Variants in DEPTOR observed in about 807,000 individuals in gnomAD.
DEPTOR encodes the protein DEP domain containing MTOR interacting protein.
Under a neutral mutation model 41.6 loss-of-function variants are expected in DEPTOR, and 41 were observed. That is an observed-to-expected ratio of 0.98 (90% CI 0.77 to 1.28). DEPTOR has a LOEUF of 1.28. Among genes scored for constraint, DEPTOR ranks in the 50% most tolerant of loss-of-function variants. DEPTOR has a pLI of 0.00. For synonymous variants in DEPTOR, 195 were observed against 192.3 expected, an observed-to-expected ratio of 1.01 and a Z score of -0.12; for missense variants, 514 against 527.9, an observed-to-expected ratio of 0.97 and a Z score of 0.26.
intron 1 of DEPTOR, among the ~76,000 whole-genome samples, chr8:119,900,338 G>T (rs76994873): frequency 1.4e-5 from 1 of 69,940 alleles, no homozygotes; most frequent in South Asian, 7.3e-4. Flanking sequence ...AAAAAAAAAA[G>T]AAAAAAAAAA....
chr8:119,953,590 CAA>C (rs59533834), intron 3 of DEPTOR, among the ~76,000 whole-genome samples: 27 of 69,358 alleles, frequency 3.9e-4, no homozygotes, highest in Non-Finnish European at 2.4e-4. Flanking sequence ...GACTCTGTCT[CAA>C]AAAAAAAAAA....
At chr8:120,039,448 T>C (rs771481963) in intron 8 of DEPTOR, among the ~76,000 whole-genome samples, 8 of 152,202 alleles carry the variant, frequency 5.3e-5, no homozygotes, top group Non-Finnish European at 1.2e-4. Context: ...TATAAGAAGA[T>C]AGTGCTTTAT....
intron 4 of DEPTOR, among the ~76,000 whole-genome samples, chr8:120,001,290 T>C (rs754922895): frequency 3.3e-5 from 5 of 152,046 alleles, no homozygotes; most frequent in Non-Finnish European, 5.9e-5. Flanking sequence ...GAACTCAGAT[T>C]GAAAGCAAGG....
intron 3 of DEPTOR, among the ~76,000 whole-genome samples, chr8:119,947,530 C>T (rs971595355): frequency 2.3e-4 from 35 of 152,152 alleles, no homozygotes; most frequent in African/African-American, 6.3e-4. Context: ...TGATGAACCC[C>T]TTCTGGTTTC....
chr8:119,996,705 G>T (rs1392520858), intron 4 of DEPTOR, among the ~76,000 whole-genome samples: 1 of 152,078 alleles, frequency 6.6e-6, no homozygotes, highest in Non-Finnish European at 1.5e-5. Flanking sequence ...GTCTGCTATA[G>T]ATTTTTTTTG....
rs1466480925 is a variant in DEPTOR, at chr8:119,873,898, G to A, written c.52G>A (p.Gly18Arg). 1.7e-5 allele frequency: 27 copies of A among 1,613,320 alleles called. No individual in the cohort carries two copies. Among genetic ancestry groups the A allele is most frequent in the Non-Finnish European group, 2.2e-5 (26 of 1,179,746 alleles). ...GSAGSDSSTS[G>R]SGGAQQRELE... ...TGCTGGCAGTGACAGCAGCACCAGC[G>A]GGAGTGGCGGGGCGCAGCAAAGGGA... Residue 18 changes from glycine (G) to arginine (R), a missense_variant, in exon 1 of 9, where the codon GGG (glycine) becomes AGG (arginine). By Grantham distance (125) the Gly-to-Arg change is moderately radical. Transcript: ENST00000286234.
chr8:120,040,190 T>C (rs1219914033), intron 8 of DEPTOR, among the ~76,000 whole-genome samples: 1 of 152,174 alleles, frequency 6.6e-6, no homozygotes, highest in Non-Finnish European at 1.5e-5. Context: ...GCCTTCTTCT[T>C]GCATGAGGCA....
chr8:119,927,770 G>T (rs984183214), intron 1 of DEPTOR, among the ~76,000 whole-genome samples: 6 of 151,536 alleles, frequency 4.0e-5, no homozygotes, highest in African/African-American at 1.5e-4. Flanking sequence ...TACCACACCT[G>T]GCTAATTTTT....
chr8:119,978,368 G>C (rs1158801455), intron 4 of DEPTOR, among the ~76,000 whole-genome samples: 4 of 152,106 alleles, frequency 2.6e-5, no homozygotes, highest in Admixed American at 2.6e-4. Flanking sequence ...GAGCATATCA[G>C]GTTTCTCAGT....
At chr8:120,011,889 T>C (rs1278194331) in intron 8 of DEPTOR, among the ~76,000 whole-genome samples, 2 of 152,228 alleles carry the variant, frequency 1.3e-5, no homozygotes, top group Non-Finnish European at 2.9e-5. Flanking sequence ...TATAGAGCTT[T>C]ACAGAGTTCA....
In DEPTOR at chr8:119,963,468, C is replaced by T. The variant is rs554550373; in HGVS notation, c.426-1764C>T. 2.2e-3 allele frequency among the ~76,000 whole-genome samples: 339 copies of T among 152,190 alleles called. 2 individuals are homozygous for T. Among genetic ancestry groups the T allele is most frequent in the African/African-American group, 6.7e-3 (279 of 41,536 alleles). ...GGGTCAAGCAACTCTCCTGCCTCAG[C>T]CTCCTGAGTAGCTGGTACTACAGGC... On this transcript the variant is annotated intron_variant, in intron 3 of 8. Transcript: ENST00000286234.
At chr8:120,035,204 C>G (rs551052471) in intron 8 of DEPTOR, among the ~76,000 whole-genome samples, 1 of 152,164 alleles carries the variant, frequency 6.6e-6, no homozygotes, top group East Asian at 1.9e-4. Flanking sequence ...CGTGTAGTCC[C>G]AGCTACTCAG....
At chr8:119,886,476 TACACATACAC>T (rs1302584112) in intron 1 of DEPTOR, among the ~76,000 whole-genome samples, 15 of 150,366 alleles carry the variant, frequency 1.0e-4, no homozygotes, top group South Asian at 6.4e-4. Flanking sequence ...CACATACACA[TACACATACAC>T]ACACAGACAC....
At chr8:120,002,659 T>C (rs1812367084) in intron 5 of DEPTOR, among the ~76,000 whole-genome samples, 1 of 149,024 alleles carries the variant, frequency 6.7e-6, no homozygotes, top group Non-Finnish European at 1.5e-5. Flanking sequence ...ACACCTATGG[T>C]CCCAGCTACT....
At chr8:119,898,639 G>T (rs11989682) in intron 1 of DEPTOR, among the ~76,000 whole-genome samples, 1 of 151,706 alleles carries the variant, frequency 6.6e-6, no homozygotes, top group Non-Finnish European at 1.5e-5. Context: ...TGGGAGGATC[G>T]CTGGAGCCCA....
chr8:120,043,097 T>G (rs1279542786), intron 8 of DEPTOR, among the ~76,000 whole-genome samples: 1 of 151,986 alleles, frequency 6.6e-6, no homozygotes, highest in Non-Finnish European at 1.5e-5. Flanking sequence ...TTAAAATTTT[T>G]TATTTATATA....
At chr8:119,920,991 T>TTTTG (rs766170819) in intron 1 of DEPTOR, among the ~76,000 whole-genome samples, 11,918 of 151,006 alleles carry the variant, frequency 0.079, 929 homozygotes, top group African/African-American at 0.19. Flanking sequence ...TTTTTTTTTT[T>TTTTG]TTTGAGACAG....
intron 1 of DEPTOR, among the ~76,000 whole-genome samples, chr8:119,882,244 G>C (rs13255228): frequency 1.3e-5 from 2 of 152,044 alleles, no homozygotes; most frequent in East Asian, 3.8e-4. Context: ...GCTTCCATCA[G>C]CTTTGGAATC....
At chr8:119,983,699 C>T (rs1828796041) in intron 4 of DEPTOR, among the ~76,000 whole-genome samples, 1 of 151,952 alleles carries the variant, frequency 6.6e-6, no homozygotes, top group African/African-American at 2.4e-5. Context: ...TGCAGCTTTT[C>T]TATAAATCTA....
Sources: gnomAD v4.1 joint callset for allele counts (sites outside exome capture counted in the v4.1 genomes callset) on GRCh38, gnomAD v4.1.1 for gene constraint, MANE v1.5 for transcripts, NCBI Gene and HGNC (gene_info 2026-07-23, HGNC 2026-07-21) for gene names.